DLG2: variants seen among roughly 807,000 people sequenced by gnomAD.
The protein encoded by DLG2 is discs large MAGUK scaffold protein 2, also known as disks large homolog 2.
In DLG2, 45 loss-of-function variants were observed where a neutral mutation model predicts 132.5. The observed-to-expected ratio is 0.34, with a 90% confidence interval of 0.27 to 0.44. The LOEUF (loss-of-function observed/expected upper bound fraction) is 0.44, where lower values mean the gene tolerates loss of function less well. Among genes scored for constraint, DLG2 ranks in the 20% least tolerant of loss-of-function variants. DLG2 has a pLI of 1.00. For missense variants in DLG2, 1,045 were observed against 1,196.9 expected (o/e 0.87, Z 1.87); for synonymous variants, 424 against 419.6 (o/e 1.01, Z -0.13).
At chr11:84,651,448 C>A (rs1159115440) in intron 6 of DLG2, among the ~76,000 whole-genome samples, 2 of 152,046 alleles carry the variant, frequency 1.3e-5, no homozygotes, top group Non-Finnish European at 2.9e-5. Context: ...AGATCCAGAT[C>A]CAGAAAACTT....
chr11:84,519,163 G>C (rs4084390), intron 7 of DLG2, among the ~76,000 whole-genome samples: 32,039 of 152,010 alleles, frequency 0.21, 3,522 homozygotes, highest in South Asian at 0.34. Context: ...ACGGTACAGA[G>C]ACAAGAAGAA....
chr11:84,502,543 C>G (rs1413724524), intron 7 of DLG2, among the ~76,000 whole-genome samples: 2 of 150,602 alleles, frequency 1.3e-5, no homozygotes, highest in East Asian at 1.9e-4. Flanking sequence ...CTACAGGGTC[C>G]CGCCACCATA....
intron 3 of DLG2, among the ~76,000 whole-genome samples, chr11:85,475,935 G>C (rs2093127388): frequency 6.6e-6 from 1 of 152,116 alleles, no homozygotes; most frequent in South Asian, 2.1e-4. Context: ...ACTACGAATA[G>C]ACGTAATATC....
chr11:83,797,761 G>T (rs1459331956), intron 17 of DLG2, among the ~76,000 whole-genome samples: 1 of 151,938 alleles, frequency 6.6e-6, no homozygotes, highest in Non-Finnish European at 1.5e-5. Flanking sequence ...CTTGTGATCC[G>T]CCCGCCTCGG....
intron 6 of DLG2, among the ~76,000 whole-genome samples, chr11:84,792,869 T>C (rs994244163): frequency 3.9e-5 from 6 of 152,138 alleles, no homozygotes; most frequent in Admixed American, 2.0e-4. Context: ...AAAACATCTT[T>C]AATTTCATTT....
intron 6 of DLG2, among the ~76,000 whole-genome samples, chr11:84,958,930 A>C (rs1004629204): frequency 2.0e-5 from 3 of 152,174 alleles, no homozygotes; most frequent in Non-Finnish European, 4.4e-5. Flanking sequence ...GACAATAAAC[A>C]TAGGTTGAAT....
chr11:83,495,003 A>G (rs1234510442), intron 21 of DLG2, among the ~76,000 whole-genome samples: 2 of 152,062 alleles, frequency 1.3e-5, no homozygotes, highest in South Asian at 2.1e-4. Flanking sequence ...ACCCTTTTAC[A>G]TGGTGGCAAA....
intron 9 of DLG2, among the ~76,000 whole-genome samples, chr11:84,156,659 G>A (rs1340671833): frequency 6.6e-6 from 1 of 152,254 alleles, no homozygotes; most frequent in East Asian, 1.9e-4. Context: ...GTAAATTACT[G>A]ACTTTTGTTA....
intron 7 of DLG2, among the ~76,000 whole-genome samples, chr11:84,369,960 C>T (rs2154428107): frequency 6.6e-6 from 1 of 152,272 alleles, no homozygotes; most frequent in South Asian, 2.1e-4. Flanking sequence ...TTCTAGGTCC[C>T]TCTGCTGCTA....
intron 19 of DLG2, among the ~76,000 whole-genome samples, chr11:83,628,807 G>T (rs934812341): frequency 6.6e-6 from 1 of 152,022 alleles, no homozygotes; most frequent in Admixed American, 6.6e-5. Flanking sequence ...GTTCCCTCTT[G>T]TCTATTCCAT....
chr11:85,054,971 T>C (rs1204436927), intron 6 of DLG2, among the ~76,000 whole-genome samples: 1 of 152,138 alleles, frequency 6.6e-6, no homozygotes, highest in East Asian at 1.9e-4. Flanking sequence ...TCATGCAATA[T>C]ACCCATGTAA....
chr11:85,285,870 C>A (rs1317220464), intron 3 of DLG2, among the ~76,000 whole-genome samples: 2 of 151,714 alleles, frequency 1.3e-5, no homozygotes, highest in African/African-American at 4.8e-5. Context: ...TGAAAATATT[C>A]TCTAATGATA....
chr11:83,486,085 GTTT>G, intron 21 of DLG2: 1 of 553,876 alleles, frequency 1.8e-6, no homozygotes, highest in Non-Finnish European at 3.2e-6. Context: ...GTTCAATATA[GTTT>G]TATCATCAAT....
At chr11:84,733,914 T>A (rs1285211077) in intron 6 of DLG2, among the ~76,000 whole-genome samples, 2 of 152,198 alleles carry the variant, frequency 1.3e-5, no homozygotes, top group African/African-American at 2.4e-5. Flanking sequence ...CCATTTCTTG[T>A]TTTTGTCAGG....
intron 15 of DLG2, among the ~76,000 whole-genome samples, chr11:83,902,097 C>T (rs528491506): frequency 2.1e-4 from 32 of 152,116 alleles, no homozygotes; most frequent in Non-Finnish European, 3.8e-4. Flanking sequence ...AAATGTAATT[C>T]GAAAGCCTTT....
At chr11:84,619,644 A>C (rs1426972454) in intron 6 of DLG2, among the ~76,000 whole-genome samples, 1 of 151,720 alleles carries the variant, frequency 6.6e-6, no homozygotes, top group East Asian at 1.9e-4. Context: ...TGATCATCTC[A>C]ACAAATATAG....
intron 3 of DLG2, among the ~76,000 whole-genome samples, chr11:85,457,322 A>G (rs574529862): frequency 2.0e-5 from 3 of 151,552 alleles, no homozygotes; most frequent in African/African-American, 7.3e-5. Context: ...TTTTGGGCCT[A>G]TGAATGTTGC....
At chr11:84,283,457 T>A (rs11602275) in intron 7 of DLG2, among the ~76,000 whole-genome samples, 21,103 of 152,150 alleles carry the variant, frequency 0.14, 1,533 homozygotes, top group Admixed American at 0.21. Flanking sequence ...TTATTAGTGT[T>A]TATGAAATTA....
At chr11:84,243,017 C>CTCTCCCTCTCTCTA (rs542476924) in intron 8 of DLG2, among the ~76,000 whole-genome samples, 1 of 142,146 alleles carries the variant, frequency 7.0e-6, no homozygotes, top group Admixed American at 7.0e-5. Flanking sequence ...CTCTCTCTCT[C>CTCTCCCTCTCTCTA]TATATATATA....
Sources: gnomAD v4.1 joint callset for allele counts (sites outside exome capture counted in the v4.1 genomes callset) on GRCh38, gnomAD v4.1.1 for gene constraint, MANE v1.5 for transcripts, NCBI Gene and HGNC (gene_info 2026-07-23, HGNC 2026-07-21) for gene names.